PTPN14: variants seen among roughly 807,000 people sequenced by gnomAD.
The protein encoded by PTPN14 is tyrosine-protein phosphatase non-receptor type 14.
A neutral mutation model predicts 126.8 loss-of-function variants in PTPN14; 53 were observed. The observed-to-expected ratio is 0.42, with a 90% CI of 0.34 to 0.53. The LOEUF is 0.53. Among genes scored for constraint, PTPN14 ranks in the 20% least tolerant of loss-of-function variants. The pLI is 0.08. For synonymous variants in PTPN14, 630 were observed against 599.3 expected (o/e 1.05, Z -0.75); for missense variants, 1,257 against 1,552.9 (o/e 0.81, Z 3.20).
At position 214,461,684 on chromosome 1, in the gene PTPN14, C is replaced by T. The variant is rs139544530; in HGVS notation, c.174+2946G>A. On this transcript the variant is annotated intron_variant, in intron 2 of 18. Transcript: ENST00000366956. ...ATTTTGGCTGGGTGTGTGGCTCACA[C>T]CTGTAATCCCAGCACTTTGGGAGAC... Among the ~76,000 whole-genome samples, 51 of 150,676 alleles carry T rather than the reference C, an allele frequency of 3.4e-4. 2 individuals are homozygous for T. The East Asian group carries it at 9.7e-3, about 29-fold the overall frequency.
At chr1:214,510,824 C>T (rs1654954838) in intron 1 of PTPN14, among the ~76,000 whole-genome samples, 1 of 152,170 alleles carries the variant, frequency 6.6e-6, no homozygotes. Flanking sequence ...CCTCCAAGAT[C>T]TGGCTTAAAG....
intron 1 of PTPN14, among the ~76,000 whole-genome samples, chr1:214,484,560 C>A (rs1661071131): frequency 6.6e-6 from 1 of 152,142 alleles, no homozygotes; most frequent in Admixed American, 6.5e-5. Context: ...CAAAGAGTTC[C>A]ATGTTTGATG....
chr1:214,464,520 A>G, intron 2 of PTPN14, 110 bp downstream of exon 2: 1 of 1,422,158 alleles, frequency 7.0e-7, no homozygotes. Flanking sequence ...CTTAGGCCAA[A>G]AAACACAACA....
intron 6 of PTPN14, among the ~76,000 whole-genome samples, 163 bp downstream of exon 6, chr1:214,402,720 T>A (rs1195326857): frequency 8.0e-6 from 1 of 125,404 alleles, no homozygotes; most frequent in Non-Finnish European, 1.7e-5. Context: ...CAAGTGGACA[T>A]TCACTTTTGC....
intron 3 of PTPN14, among the ~76,000 whole-genome samples, chr1:214,436,597 G>A (rs919345028): frequency 6.6e-6 from 1 of 152,026 alleles, no homozygotes; most frequent in African/African-American, 2.4e-5. Context: ...AGGAGTTCAA[G>A]ACCAGCTGGC....
At chr1:214,498,073 C>G (rs563075826) in intron 1 of PTPN14, among the ~76,000 whole-genome samples, 1 of 152,042 alleles carries the variant, frequency 6.6e-6, no homozygotes, top group Admixed American at 6.5e-5. Context: ...CTTTTATATT[C>G]AGAAAAATAA....
intron 5 of PTPN14, among the ~76,000 whole-genome samples, chr1:214,408,435 A>C (rs966175034): frequency 6.6e-6 from 1 of 152,162 alleles, no homozygotes; most frequent in Non-Finnish European, 1.5e-5. Flanking sequence ...ACCAACCAAC[A>C]AACCAACCAA....
chr1:214,407,077 T>A (rs2102573706), intron 5 of PTPN14, among the ~76,000 whole-genome samples: 1 of 152,284 alleles, frequency 6.6e-6, no homozygotes, highest in South Asian at 2.1e-4. Flanking sequence ...ACATTAGAAA[T>A]GTTGACTCAA....
intron 16 of PTPN14, among the ~76,000 whole-genome samples, chr1:214,371,162 G>A (rs1032214579): frequency 1.3e-5 from 2 of 152,068 alleles, no homozygotes; most frequent in South Asian, 2.1e-4. Context: ...TTGTCACTCC[G>A]GTCTCACCTC....
chr1:214,357,769 T>G lies in PTPN14; in HGVS notation c.*153A>C. The G allele has an allele frequency of 1.7e-6, 1 of 575,676 alleles. No individual in the cohort carries two copies. Among genetic ancestry groups the G allele is most frequent in the Non-Finnish European group, 3.1e-6 (1 of 319,288 alleles). The allele number at this position is 575,676 out of a possible 1,614,324, so 35.7% of individuals were successfully genotyped here. A position where few individuals can be genotyped will look rare whatever the true frequency, so the allele number is the denominator to read the frequency against. The stretch of plus-strand genomic sequence containing the variant: ...AAATTATCTCATATAAAATAATACA[T>G]GGTATGTGTGAATAATCTTGGCTAC... On this transcript the variant is annotated 3_prime_UTR_variant, in exon 19 of 19. Transcript: ENST00000366956.
At chr1:214,373,077 CTG>C (rs1658256432) in intron 15 of PTPN14, among the ~76,000 whole-genome samples, 1 of 152,194 alleles carries the variant, frequency 6.6e-6, no homozygotes, top group Non-Finnish European at 1.5e-5. Flanking sequence ...GTTTTTGAGA[CTG>C]AGTCTTGCTC....
chr1:214,513,557 C>A (rs1239741534), intron 1 of PTPN14, among the ~76,000 whole-genome samples: 1 of 152,152 alleles, frequency 6.6e-6, no homozygotes, highest in African/African-American at 2.4e-5. Flanking sequence ...TGGCCACAGT[C>A]CCACCACTCT....
intron 1 of PTPN14, among the ~76,000 whole-genome samples, chr1:214,465,323 T>C (rs1660610723): frequency 6.6e-6 from 1 of 152,132 alleles, no homozygotes; most frequent in African/African-American, 2.4e-5. Context: ...AAGAAAGTGT[T>C]AGGAGGCTGG....
intron 1 of PTPN14, among the ~76,000 whole-genome samples, chr1:214,505,474 C>G (rs1654818060): frequency 6.6e-6 from 1 of 152,116 alleles, no homozygotes; most frequent in African/African-American, 2.4e-5. Flanking sequence ...TGGTCAGTGC[C>G]CACACAGTGG....
intron 1 of PTPN14, among the ~76,000 whole-genome samples, chr1:214,483,941 G>C (rs1172721837): frequency 6.6e-6 from 1 of 152,186 alleles, no homozygotes. Context: ...TGAAAGAAAA[G>C]AGTTCTCACC....
intron 15 of PTPN14, among the ~76,000 whole-genome samples, chr1:214,373,131 T>G (rs975398817): frequency 1.3e-5 from 2 of 152,196 alleles, no homozygotes; most frequent in Non-Finnish European, 2.9e-5. Context: ...CTTGGCTCAC[T>G]GCAACCTCCG....
intron 3 of PTPN14, among the ~76,000 whole-genome samples, chr1:214,449,011 C>CCTTTTTTTTTTTTT (rs1660210864): frequency 8.9e-6 from 1 of 112,440 alleles, no homozygotes; most frequent in Non-Finnish European, 1.8e-5. Flanking sequence ...CTTAATTTTT[C>CCTTTTTTTTTTTTT]TTTTTTTTTT....
At chr1:214,360,050 G>C (rs1657918645) in intron 18 of PTPN14, among the ~76,000 whole-genome samples, 2 of 152,162 alleles carry the variant, frequency 1.3e-5, no homozygotes, top group Non-Finnish European at 2.9e-5. Flanking sequence ...CTGAGCTGTG[G>C]AGGCCATGGT....
chr1:214,525,346 T>G (rs993670860), intron 1 of PTPN14, among the ~76,000 whole-genome samples: 1 of 152,120 alleles, frequency 6.6e-6, no homozygotes, highest in African/African-American at 2.4e-5. Flanking sequence ...TGAAAATATA[T>G]CCAAACAAAA....
Sources: gnomAD v4.1 joint callset for allele counts (sites outside exome capture counted in the v4.1 genomes callset) on GRCh38, gnomAD v4.1.1 for gene constraint, MANE v1.5 for transcripts, NCBI Gene and HGNC (gene_info 2026-07-23, HGNC 2026-07-21) for gene names.